Variants in TANC2 observed in about 807,000 individuals in gnomAD.
The protein encoded by TANC2 is protein TANC2.
TANC2 carries 26 observed loss-of-function variants against 210.5 expected under a neutral mutation model. The observed-to-expected ratio is 0.12, with a 90% CI of 0.09 to 0.17. The LOEUF (loss-of-function observed/expected upper bound fraction) is 0.17. TANC2 is among the 10% of genes least tolerant of loss of function. The probability of loss-of-function intolerance (pLI) is 1.00; values close to 1 mark genes in which losing one functional copy is unlikely to be tolerated. For missense variants in TANC2, 2,129 were observed against 2,608.9 expected (o/e 0.82, Z 4.01); for synonymous variants, 931 against 967.1 (o/e 0.96, Z 0.69).
In TANC2 at chr17:63,421,218, G is replaced by T; in HGVS notation, c.5488G>T (p.Asp1830Tyr). 6.2e-7 allele frequency: 1 copy of T among 1,614,000 alleles called. No individual in the cohort carries two copies. The highest frequency in any genetic ancestry group is 8.5e-7 in the Non-Finnish European group (1 of 1,179,886). The change falls in exon 28 of 28, where the codon GAT becomes TAT. Residue 1830 changes from aspartate to tyrosine, a missense_variant. This residue lies in a region of TANC2 where 584 missense variants were observed against 627.3 expected (regional missense o/e 0.93). Coordinates refer to ENST00000689528, the Ensembl canonical transcript of TANC2. This position sits in a 1 kb window ranked among gnomAD's most constrained non-coding sequence, Gnocchi z 6.9. ...CTCCTCCAGCCAACTAGGTTCCCCT[G>T]ATGTGTCGCATTTAATCAGAAGACC...
chr17:63,034,186 ACT>A (rs1491179592), intron 2 of TANC2, among the ~76,000 whole-genome samples: 5 of 152,120 alleles, frequency 3.3e-5, no homozygotes, highest in Non-Finnish European at 7.4e-5. Context: ...GGACAGGCTG[ACT>A]CTCTTGTTAG....
At chr17:63,171,972 G>A (rs187961384) in intron 5 of TANC2, among the ~76,000 whole-genome samples, 1 of 152,152 alleles carries the variant, frequency 6.6e-6, no homozygotes, top group East Asian at 1.9e-4. Flanking sequence ...AAATATGGAT[G>A]CTGTTTTCTG....
At chr17:63,401,432 GA>G (rs1203566781) in intron 19 of TANC2, among the ~76,000 whole-genome samples, 4 of 152,162 alleles carry the variant, frequency 2.6e-5, no homozygotes, top group African/African-American at 4.8e-5. Flanking sequence ...CAACTATACT[GA>G]CACAATTCTT....
intron 4 of TANC2, among the ~76,000 whole-genome samples, chr17:63,141,856 A>G (rs916089347): frequency 2.6e-5 from 4 of 152,226 alleles, no homozygotes; most frequent in African/African-American, 7.2e-5. Context: ...AGCAAAATTA[A>G]AAGTTTGTAT....
chr17:62,994,971 G>A (rs2033039340), intron 1 of TANC2, among the ~76,000 whole-genome samples: 1 of 152,204 alleles, frequency 6.6e-6, no homozygotes, highest in Admixed American at 6.5e-5. Flanking sequence ...CAAAGCTGAT[G>A]TGTCATATTT....
chr17:63,266,044 T>G (rs1441153036), intron 8 of TANC2, among the ~76,000 whole-genome samples: 1 of 152,048 alleles, frequency 6.6e-6, no homozygotes, highest in Non-Finnish European at 1.5e-5. Context: ...ATATTGCTAA[T>G]AACAAGAGTT....
At chr17:63,413,904 C>T (rs796914664) in intron 25 of TANC2, among the ~76,000 whole-genome samples, 7 of 152,216 alleles carry the variant, frequency 4.6e-5, no homozygotes, top group African/African-American at 1.7e-4. Flanking sequence ...TACATGGAAT[C>T]TGTTAGGTAG....
chr17:63,211,863 C>A (rs1002362810), intron 7 of TANC2, among the ~76,000 whole-genome samples: 1 of 152,242 alleles, frequency 6.6e-6, no homozygotes, highest in East Asian at 1.9e-4. Context: ...GCTCACCTGG[C>A]ATTTTGTTGT....
chr17:63,046,447 G>A (rs952860013), intron 2 of TANC2, among the ~76,000 whole-genome samples: 1 of 147,686 alleles, frequency 6.8e-6, no homozygotes, highest in Non-Finnish European at 1.5e-5. Context: ...TTCTCCTGCT[G>A]CAGCCTCCCG....
chr17:63,409,931 C>T (rs149747950), intron 21 of TANC2, among the ~76,000 whole-genome samples: 3 of 152,306 alleles, frequency 2.0e-5, no homozygotes, highest in African/African-American at 7.2e-5. Context: ...TTGCATTATA[C>T]TTACTGGTTG....
chr17:63,104,278 C>G (rs1483861707), intron 4 of TANC2, among the ~76,000 whole-genome samples: 1 of 151,966 alleles, frequency 6.6e-6, no homozygotes, highest in Non-Finnish European at 1.5e-5. Flanking sequence ...AGATGCTTTC[C>G]CATAGTATCA....
At chr17:63,040,550 C>A (rs1364865033) in intron 2 of TANC2, among the ~76,000 whole-genome samples, 1 of 152,016 alleles carries the variant, frequency 6.6e-6, no homozygotes, top group Non-Finnish European at 1.5e-5. Flanking sequence ...GTGTTGGGGG[C>A]ACTATTTTAA....
intron 7 of TANC2, among the ~76,000 whole-genome samples, chr17:63,217,586 T>C (rs563683041): frequency 1.3e-5 from 2 of 152,304 alleles, no homozygotes; most frequent in African/African-American, 4.8e-5. Flanking sequence ...TGTATTGAAT[T>C]TGTTGTTTAA....
chr17:63,321,437 G>A (rs2045490205), intron 11 of TANC2, among the ~76,000 whole-genome samples: 1 of 152,094 alleles, frequency 6.6e-6, no homozygotes, highest in Non-Finnish European at 1.5e-5. Flanking sequence ...TTTTATGGAC[G>A]CAATGTATTC....
exon 4 of TANC2, chr17:63,099,261 C>A: frequency 1.2e-6 from 2 of 1,606,292 alleles, no homozygotes; most frequent in Non-Finnish European, 1.7e-6. Flanking sequence ...GCAGCACATT[C>A]GGATTATGGA....
intron 8 of TANC2, among the ~76,000 whole-genome samples, chr17:63,248,335 C>T (rs1478628425): frequency 6.6e-6 from 1 of 152,018 alleles, no homozygotes. Context: ...AGTATATTCA[C>T]ACTTATTAAA....
intron 7 of TANC2, among the ~76,000 whole-genome samples, chr17:63,236,715 A>AT (rs1037490115): frequency 6.6e-5 from 10 of 151,330 alleles, no homozygotes; most frequent in Non-Finnish European, 1.2e-4. Context: ...ATATGTGCAC[A>AT]TTTTTTTTAG....
rs1399326822 is a variant in TANC2 at position 63,110,904 on chromosome 17, T to G, written c.322+11547T>G. On this transcript the variant is annotated intron_variant, in intron 4 of 27. Transcript: ENST00000689528. The stretch of plus-strand genomic sequence containing the variant: ...AGATATACTTGGTTGAAACCGTGAC[T>G]TTGCTACTTATTAACTGTATGACCT... 1.1e-4 allele frequency among the ~76,000 whole-genome samples: 16 copies of G among 152,252 alleles called. 1 individual carries two copies. The highest frequency in any genetic ancestry group is 1.5e-5 in the Non-Finnish European group (1 of 68,044).
At chr17:63,184,168 T>G (rs537602530) in intron 5 of TANC2, among the ~76,000 whole-genome samples, 1 of 152,364 alleles carries the variant, frequency 6.6e-6, no homozygotes, top group African/African-American at 2.4e-5. Flanking sequence ...TATTATGTCT[T>G]TATAAGACAG....
Sources: allele counts gnomAD v4.1 joint callset (sites outside exome capture counted in the v4.1 genomes callset), GRCh38; gene constraint gnomAD v4.1.1; regional missense constraint gnomAD v4.1.1; non-coding constraint Gnocchi (gnomAD v3.1); transcripts MANE v1.5; gene names NCBI Gene and HGNC (gene_info 2026-07-23, HGNC 2026-07-21).